Variants in USP34 observed in about 807,000 individuals in gnomAD.
USP34 encodes ubiquitin specific peptidase 34.
Under a neutral mutation model 460.3 loss-of-function variants are expected in USP34, and 70 were observed. The ratio of observed to expected loss-of-function variants is 0.15; its 90% CI spans 0.13 to 0.19. USP34 has a LOEUF of 0.19. USP34 is among the 10% of genes least tolerant of loss of function. The probability of loss-of-function intolerance (pLI) is 1.00; values close to 1 mark genes in which losing one functional copy is unlikely to be tolerated. For missense variants in USP34, 3,985 were observed against 4,236.2 expected, an observed-to-expected ratio of 0.94 and a Z score of 1.65; for synonymous variants, 1,647 against 1,405.3, an observed-to-expected ratio of 1.17 and a Z score of -3.85.
rs1262533694 is a variant in USP34, at chr2:61,187,978, T to C, written c.*124A>G. 61 of 1,464,866 alleles carry C rather than the reference T, an allele frequency of 4.2e-5. No individual in the cohort carries two copies. Among genetic ancestry groups the C allele is most frequent in the Non-Finnish European group, 6.3e-6 (7 of 1,108,674 alleles). The allele number at this position is 1,464,866 out of a possible 1,614,324, so 90.7% of individuals were successfully genotyped here. On this transcript the variant is annotated 3_prime_UTR_variant, in exon 80 of 80. Coordinates refer to ENST00000398571, the MANE Select transcript of USP34 (RefSeq NM_014709.4). ...TGACCAAGAATTAAGCCTATAAATC[T>C]ATCTTGCCATTCAAGCAGAGAGCAC...
intron 75 of USP34, among the ~76,000 whole-genome samples, chr2:61,196,386 G>T (rs983963186): frequency 6.6e-6 from 1 of 151,288 alleles, no homozygotes; most frequent in Non-Finnish European, 1.5e-5. Context: ...CACCGCGCCC[G>T]GCCAATTTCT....
chr2:61,188,823 G>T, intron 79 of USP34, 87 bp downstream of exon 79: 1 of 1,575,882 alleles, frequency 6.3e-7, no homozygotes, highest in South Asian at 1.2e-5. Context: ...AGGTTCAGCT[G>T]AACACACAAC....
chr2:61,459,764 CAA>C (rs113689443), intron 1 of USP34, among the ~76,000 whole-genome samples: 20 of 100,912 alleles, frequency 2.0e-4, no homozygotes, highest in Admixed American at 2.1e-4. Context: ...GCTACAGAGC[CAA>C]AAAAAAAAAA....
chr2:61,350,280 A>G lies in USP34; in HGVS notation c.1487T>C (p.Ile496Thr), dbSNP rs778423439. 12 of 1,608,762 alleles carry G rather than the reference A, an allele frequency of 7.5e-6. No individual in the cohort carries two copies. Among genetic ancestry groups the G allele is most frequent in the Non-Finnish European group, 1.0e-5 (12 of 1,177,678 alleles). ...CTAACCTTTCTTATTTCCAATGGGA[A>G]TATTAGTATTTAATAAAGATGCAAA... ...SSFASLLNTN[I>T]PIGNKKEEEE... The change falls in exon 12 of 80, where the codon ATT becomes ACT. Residue 496 changes from isoleucine (I) to threonine (T), a missense_variant. This residue lies in a region of USP34 where 716 missense variants were observed against 626.2 expected (regional missense o/e 1.14). Coordinates refer to ENST00000398571, the MANE Select transcript of USP34 (RefSeq NM_014709.4).
chr2:61,264,841 CAG>C (rs1689000029), intron 43 of USP34, among the ~76,000 whole-genome samples: 1 of 151,960 alleles, frequency 6.6e-6, no homozygotes, highest in Admixed American at 6.6e-5. Context: ...CTGGTCAACA[CAG>C]AGAGACCTCA....
chr2:61,198,954 C>T (rs1291995766), intron 75 of USP34, among the ~76,000 whole-genome samples: 5 of 152,146 alleles, frequency 3.3e-5, no homozygotes, highest in African/African-American at 1.2e-4. Flanking sequence ...TATTCATGTC[C>T]TTTGCTGATT....
At chr2:61,319,798 T>TCGGCCACTG (rs1690860237) in intron 21 of USP34, among the ~76,000 whole-genome samples, 1 of 151,980 alleles carries the variant, frequency 6.6e-6, no homozygotes, top group South Asian at 2.1e-4. Context: ...TGATACAAGA[T>TCGGCCACTG]CGGCCACTGC....
At chr2:61,431,935 A>G (rs571228326) in intron 1 of USP34, among the ~76,000 whole-genome samples, 2 of 152,322 alleles carry the variant, frequency 1.3e-5, no homozygotes, top group East Asian at 3.9e-4. Context: ...TAAATGCTTG[A>G]GATAACAATA....
At chr2:61,233,592 G>A (rs1203325009) in intron 57 of USP34, among the ~76,000 whole-genome samples, 1 of 152,130 alleles carries the variant, frequency 6.6e-6, no homozygotes, top group Non-Finnish European at 1.5e-5. Context: ...CTGGGAGGCA[G>A]AGGCAGGAGG....
At position 61,278,417 on chromosome 2, in the gene USP34, C is replaced by G. The variant is rs1336723088; in HGVS notation, c.5283G>C (p.Leu1761Phe). The G allele has an allele frequency of 2.5e-6, 4 of 1,600,058 alleles. No individual in the cohort carries two copies. In the South Asian group the frequency reaches 3.4e-5, roughly 14 times the overall value. ...GAATACAGTCAGCCAAATGTCTTGCCAAGGCATCTAAGTCGAGGAGCGTTG... is the reference window on the plus strand; with the variant it reads ...GAATACAGTCAGCCAAATGTCTTGCGAAGGCATCTAAGTCGAGGAGCGTTG... ...SQTTLLDLDA[L>F]ARHLADCIRS... The change falls in exon 40 of 80, where the codon TTG becomes TTC. Residue 1761 changes from leucine to phenylalanine, a missense_variant. This residue lies in a region of USP34 where 1,114 missense variants were observed against 1,122.5 expected (regional missense o/e 0.99). Coordinates refer to ENST00000398571, the MANE Select transcript of USP34 (RefSeq NM_014709.4).
chr2:61,332,257 A>T (rs1691292816), intron 19 of USP34, among the ~76,000 whole-genome samples: 1 of 152,046 alleles, frequency 6.6e-6, no homozygotes. Flanking sequence ...GATAATATGT[A>T]CTAAATATTA....
intron 33 of USP34, among the ~76,000 whole-genome samples, chr2:61,290,893 G>A (rs1429970640): frequency 6.6e-6 from 1 of 152,088 alleles, no homozygotes; most frequent in East Asian, 1.9e-4. Flanking sequence ...CTCTGTGTAA[G>A]GGGATTAGGT....
intron 20 of USP34, among the ~76,000 whole-genome samples, chr2:61,325,692 T>C (rs1438228439): frequency 6.6e-6 from 1 of 152,108 alleles, no homozygotes; most frequent in African/African-American, 2.4e-5. Flanking sequence ...TCAAATTACA[T>C]AAGAAAGCAC....
chr2:61,402,582 AGTGTT>A (rs1183016875), intron 3 of USP34, among the ~76,000 whole-genome samples: 1 of 152,234 alleles, frequency 6.6e-6, no homozygotes, highest in Admixed American at 6.6e-5. Flanking sequence ...ATAAAATAAA[AGTGTT>A]GAGTAGGTTT....
At chr2:61,266,448 G>A (rs1689049112) in intron 41 of USP34, among the ~76,000 whole-genome samples, 1 of 152,110 alleles carries the variant, frequency 6.6e-6, no homozygotes, top group African/African-American at 2.4e-5. Flanking sequence ...GTGATGTAAA[G>A]TTTTTGTTAA....
At chr2:61,417,551 C>T (rs925327378) in intron 2 of USP34, among the ~76,000 whole-genome samples, 1 of 152,084 alleles carries the variant, frequency 6.6e-6, no homozygotes, top group African/African-American at 2.4e-5. Context: ...GTACTGTTCT[C>T]AGTCTCACAC....
chr2:61,210,031 G>A (rs1345317666), intron 69 of USP34, among the ~76,000 whole-genome samples: 2 of 150,206 alleles, frequency 1.3e-5, no homozygotes, highest in East Asian at 3.9e-4. Context: ...TTATGATAGT[G>A]TGTTTTAAGT....
intron 5 of USP34, among the ~76,000 whole-genome samples, chr2:61,388,671 G>T (rs1027994600): frequency 1.3e-5 from 2 of 151,906 alleles, no homozygotes; most frequent in Non-Finnish European, 2.9e-5. Context: ...CAAGAGAATG[G>T]TGTGAACCCG....
chr2:61,470,588 C>T (rs2104136861), intron 1 of USP34, 62 bp downstream of exon 1: 2 of 1,231,048 alleles, frequency 1.6e-6, no homozygotes, highest in Non-Finnish European at 2.3e-6. Flanking sequence ...CCGGGGAGGC[C>T]AGAGAGCTGC....
Sources: allele counts gnomAD v4.1 joint callset (sites outside exome capture counted in the v4.1 genomes callset), GRCh38; gene constraint gnomAD v4.1.1; regional missense constraint gnomAD v4.1.1; transcripts MANE v1.5; gene names NCBI Gene and HGNC (gene_info 2026-07-23, HGNC 2026-07-21).